Variants in CUX1 observed in about 807,000 individuals in gnomAD.
The protein encoded by CUX1 is cut like homeobox 1.
A neutral mutation model predicts 158.8 loss-of-function variants in CUX1; 31 were observed. That is an observed-to-expected ratio of 0.20 (90% CI 0.15 to 0.26). The LOEUF (loss-of-function observed/expected upper bound fraction) is 0.26. Among genes scored for constraint, CUX1 ranks in the 10% least tolerant of loss-of-function variants. The pLI is 1.00. For synonymous variants in CUX1, 879 were observed against 862.1 expected, an observed-to-expected ratio of 1.02 and a Z score of -0.34; for missense variants, 1,589 against 2,014.6, an observed-to-expected ratio of 0.79 and a Z score of 4.04.
chr7:102,111,239 G>C (rs576965146), intron 6 of CUX1, among the ~76,000 whole-genome samples: 2 of 152,176 alleles, frequency 1.3e-5, no homozygotes, highest in East Asian at 3.9e-4. Flanking sequence ...TTGCAGTTGC[G>C]TTTGCATTCC....
chr7:102,011,557 T>A (rs983591436), intron 2 of CUX1, among the ~76,000 whole-genome samples: 5 of 151,656 alleles, frequency 3.3e-5, no homozygotes, highest in African/African-American at 1.2e-4. Context: ...TAATTTTGTG[T>A]TTTTAGTAGA....
chr7:101,995,974 A>T (rs762154667), intron 2 of CUX1, among the ~76,000 whole-genome samples: 4 of 152,106 alleles, frequency 2.6e-5, no homozygotes, highest in Admixed American at 6.6e-5. Flanking sequence ...TTAGCCGGGC[A>T]TGGTGGTGCA....
intron 2 of CUX1, among the ~76,000 whole-genome samples, chr7:101,925,512 A>T (rs112507070): frequency 4.6e-5 from 7 of 152,352 alleles, no homozygotes; most frequent in Admixed American, 2.0e-4. Context: ...GAATATAAAA[A>T]TGTCCTAGAA....
At chr7:102,200,282 C>A in intron 17 of CUX1, 110 bp downstream of exon 17, 1 of 815,324 alleles carries the variant, frequency 1.2e-6, no homozygotes, top group South Asian at 1.9e-5. Context: ...ATAATGAATG[C>A]CTGTTCTCAA....
At chr7:102,106,927 T>C (rs1554488641) in intron 6 of CUX1, among the ~76,000 whole-genome samples, 2 of 152,204 alleles carry the variant, frequency 1.3e-5, no homozygotes, top group African/African-American at 4.8e-5. Flanking sequence ...TTAAGCTGAC[T>C]TCATTCAAAA....
chr7:101,823,207 A>G (rs1792868877), intron 1 of CUX1, among the ~76,000 whole-genome samples: 1 of 152,128 alleles, frequency 6.6e-6, no homozygotes, highest in African/African-American at 2.4e-5. Context: ...TGACCCCACA[A>G]GCAGGACTGG....
intron 21 of CUX1, among the ~76,000 whole-genome samples, chr7:102,233,615 C>T (rs1758637569): frequency 6.6e-6 from 1 of 152,060 alleles, no homozygotes; most frequent in Admixed American, 6.6e-5. Flanking sequence ...GGCGAAAACC[C>T]GTCTCTACTA....
chr7:101,977,756 G>A (rs2129207421), intron 2 of CUX1, among the ~76,000 whole-genome samples: 1 of 152,256 alleles, frequency 6.6e-6, no homozygotes, highest in South Asian at 2.1e-4. Context: ...GGGTGACAGA[G>A]TGAGACTCTG....
Position 102,255,153 on chromosome 7 carries a change from G to C in CUX1, c.*6111G>C, listed in dbSNP as rs1212867262. 1 of 985,300 alleles carries C rather than the reference G, an allele frequency of 1.0e-6. No individual in the cohort carries two copies. The allele number at this position is 985,300 out of a possible 1,614,324, so 61.0% of individuals were successfully genotyped here. A position where few individuals can be genotyped will look rare whatever the true frequency, so the allele number is the denominator to read the frequency against. ...ACCACCCTGGTCAGGGGAATAGAAG[G>C]AAATGCAATTTCCGCCTGTCTGCCC... On this transcript the variant is annotated 3_prime_UTR_variant, in exon 24 of 24. Coordinates refer to ENST00000292535, the MANE Select transcript of CUX1 (RefSeq NM_181552.4).
At chr7:101,915,925 G>A (rs1215150692) in intron 1 of CUX1, among the ~76,000 whole-genome samples, 190 bp from the exon 2 acceptor site, 2 of 152,124 alleles carry the variant, frequency 1.3e-5, no homozygotes, top group Admixed American at 6.6e-5. Context: ...TGGGACGGAC[G>A]TGGGATGGGG....
At chr7:101,925,982 A>T (rs1208130920) in intron 2 of CUX1, among the ~76,000 whole-genome samples, 1 of 152,162 alleles carries the variant, frequency 6.6e-6, no homozygotes, top group Non-Finnish European at 1.5e-5. Context: ...AAACTAAATT[A>T]AAAAAGAATT....
intron 4 of CUX1, among the ~76,000 whole-genome samples, chr7:102,089,610 A>G (rs1286968504): frequency 6.6e-6 from 1 of 152,206 alleles, no homozygotes; most frequent in Non-Finnish European, 1.5e-5. Flanking sequence ...TTGCAGTTGG[A>G]AAGTCCTCCA....
intron 2 of CUX1, among the ~76,000 whole-genome samples, chr7:101,949,908 CAGG>C (rs912482417): frequency 2.0e-5 from 3 of 152,108 alleles, no homozygotes; most frequent in Admixed American, 6.6e-5. Context: ...GTGAAGGAGG[CAGG>C]AGTTCTTGCC....
At chr7:101,870,499 A>T (rs567231768) in intron 1 of CUX1, among the ~76,000 whole-genome samples, 2 of 152,230 alleles carry the variant, frequency 1.3e-5, no homozygotes, top group South Asian at 4.1e-4. Flanking sequence ...GGTGCTATTT[A>T]TCTCCAGGCT....
intron 2 of CUX1, among the ~76,000 whole-genome samples, chr7:101,930,566 A>C (rs1026793732): frequency 6.6e-6 from 1 of 152,206 alleles, no homozygotes; most frequent in African/African-American, 2.4e-5. Context: ...TTTCATTTTA[A>C]CTTGCAAATG....
At chr7:101,996,625 CCTCCCTCCCTCATTTCT>C (rs1214380938) in intron 2 of CUX1, among the ~76,000 whole-genome samples, 1 of 150,216 alleles carries the variant, frequency 6.7e-6, no homozygotes, top group Non-Finnish European at 1.5e-5. Context: ...TCCTTTCCTC[CCTCCCTCCCTCATTTCT>C]CTCCCTCCCT....
chr7:102,119,652 A>C (rs1262867473), intron 8 of CUX1, among the ~76,000 whole-genome samples: 1 of 152,222 alleles, frequency 6.6e-6, no homozygotes, highest in Non-Finnish European at 1.5e-5. Flanking sequence ...AGAGGATTGC[A>C]AGGTTTCCGA....
intron 23 of CUX1, 67 bp downstream of exon 23, chr7:102,239,651 G>A (rs1168560208): frequency 1.0e-5 from 16 of 1,540,246 alleles, no homozygotes; most frequent in East Asian, 6.8e-5. Flanking sequence ...TCCGGAGGCC[G>A]CCATGGCGCA....
intron 2 of CUX1, among the ~76,000 whole-genome samples, chr7:101,941,405 C>T (rs922545266): frequency 1.2e-4 from 19 of 152,196 alleles, no homozygotes; most frequent in African/African-American, 4.6e-4. Flanking sequence ...GCTGGATTGT[C>T]TCTGAGGGAT....
Sources: gnomAD v4.1 joint callset for allele counts (sites outside exome capture counted in the v4.1 genomes callset) on GRCh38, gnomAD v4.1.1 for gene constraint, MANE v1.5 for transcripts, NCBI Gene and HGNC (gene_info 2026-07-23, HGNC 2026-07-21) for gene names.